The following PDE1C variants were observed in gnomAD, a reference collection of about 807,000 sequenced individuals.
PDE1C encodes dual specificity calcium/calmodulin-dependent 3',5'-cyclic nucleotide phosphodiesterase 1C.
Under a neutral mutation model 93.1 loss-of-function variants are expected in PDE1C, and 62 were observed. The ratio of observed to expected loss-of-function variants is 0.67; its 90% CI spans 0.54 to 0.82. PDE1C has a LOEUF of 0.82. Among genes scored for constraint, PDE1C ranks in the 40% least tolerant of loss-of-function variants. PDE1C has a pLI of 0.00. For synonymous variants in PDE1C, 325 were observed against 310.1 expected, an observed-to-expected ratio of 1.05 and a Z score of -0.50; for missense variants, 742 against 884.6, an observed-to-expected ratio of 0.84 and a Z score of 2.04.
rs75694737 is a variant in PDE1C at position 31,773,209 on chromosome 7, G to A, written c.1960+2455C>T. ...CACCTCTGACCATCTCTCAAGTCCT[G>A]TAGGGCAGAGGATTGTGGTTTACAG... On this transcript the variant is annotated intron_variant, in intron 17 of 17. Transcript: ENST00000396191. Among the ~76,000 whole-genome samples, 92 of 152,290 alleles carry A rather than the reference G, an allele frequency of 6.0e-4. No individual in the cohort carries two copies. In the East Asian group the frequency reaches 0.017, roughly 29 times the overall value.
chr7:32,108,167 A>G (rs548842486), intron 3 of PDE1C, among the ~76,000 whole-genome samples: 5 of 146,632 alleles, frequency 3.4e-5, no homozygotes, highest in African/African-American at 1.0e-4. Flanking sequence ...TCACCTTAAA[A>G]GTGAGTGACT....
chr7:32,031,227 C>T (rs971669689), intron 2 of PDE1C, among the ~76,000 whole-genome samples: 1 of 152,148 alleles, frequency 6.6e-6, no homozygotes, highest in Non-Finnish European at 1.5e-5. Context: ...ATCTCTAACA[C>T]ATGTTCATTT....
the PDE1C span, chr7:31,642,957 G>A: frequency 2.5e-6 from 4 of 1,614,042 alleles, no homozygotes; most frequent in East Asian, 2.2e-5. Context: ...AGACCACCAC[G>A]AGGGGAGAAT....
At chr7:31,642,172 G>T in the PDE1C span, 1 of 1,556,124 alleles carries the variant, frequency 6.4e-7, no homozygotes. Flanking sequence ...CTTTCATTCT[G>T]CAGGTGCCAG....
At chr7:32,134,137 A>T (rs1342891274) in intron 3 of PDE1C, among the ~76,000 whole-genome samples, 1 of 152,082 alleles carries the variant, frequency 6.6e-6, no homozygotes, top group East Asian at 1.9e-4. Context: ...AAAAAAACTT[A>T]AAGATCCTCA....
the PDE1C span, among the ~76,000 whole-genome samples, chr7:31,731,266 G>T: frequency 6.6e-6 from 1 of 152,082 alleles, no homozygotes; most frequent in African/African-American, 2.4e-5. Flanking sequence ...CCGTGTAGGT[G>T]CCAAAGTGGG....
intron 2 of PDE1C, among the ~76,000 whole-genome samples, chr7:31,960,996 C>T (rs1808857648): frequency 6.6e-6 from 1 of 152,044 alleles, no homozygotes; most frequent in African/African-American, 2.4e-5. Context: ...TCAATTTGGC[C>T]TAACAAATTG....
At chr7:32,246,781 C>T (rs775429277) in intron 1 of PDE1C, among the ~76,000 whole-genome samples, 5 of 152,164 alleles carry the variant, frequency 3.3e-5, no homozygotes, top group Non-Finnish European at 7.3e-5. Context: ...ATAATAGTAC[C>T]TACCTTGTAA....
chr7:31,658,320 A>G, the PDE1C span: 1 of 1,524,692 alleles, frequency 6.6e-7, no homozygotes, highest in Non-Finnish European at 8.8e-7. Context: ...CTTCAAAAGC[A>G]AATAACTCTG....
At chr7:31,975,577 T>TA (rs1563130559) in intron 2 of PDE1C, among the ~76,000 whole-genome samples, 22 of 150,900 alleles carry the variant, frequency 1.5e-4, no homozygotes, top group African/African-American at 5.3e-4. Context: ...ATATCTAATT[T>TA]TATATATATA....
At chr7:31,810,264 T>C (rs1787384443) in intron 15 of PDE1C, among the ~76,000 whole-genome samples, 1 of 152,132 alleles carries the variant, frequency 6.6e-6, no homozygotes, top group Non-Finnish European at 1.5e-5. Flanking sequence ...AGCTTTCTTT[T>C]TAGCCTGCAT....
chr7:32,424,797 C>T (rs1044714053), intron 1 of PDE1C, among the ~76,000 whole-genome samples: 8 of 152,060 alleles, frequency 5.3e-5, no homozygotes, highest in Non-Finnish European at 1.0e-4. Context: ...CACGGCACTC[C>T]AGCCTGGGTG....
At chr7:31,831,512 AC>A (rs1790404410) in intron 11 of PDE1C, among the ~76,000 whole-genome samples, 1 of 151,894 alleles carries the variant, frequency 6.6e-6, no homozygotes, top group Admixed American at 6.6e-5. Context: ...ACACACACAC[AC>A]ACACACGCAC....
rs1035113008 is a variant in PDE1C at position 32,393,979 on chromosome 7, T to G, written c.310+33843A>C. 8.5e-5 allele frequency among the ~76,000 whole-genome samples: 13 copies of G among 152,352 alleles called. 2 individuals are homozygous for G. The highest frequency in any genetic ancestry group is 1.9e-4 in the East Asian group (1 of 5,184). ...AACATTTGTGGGAAATGTATACCCT[T>G]CATGCTTTTTTAAGATTGATAAAAG... is the stretch of plus-strand genomic sequence containing the variant. On this transcript the variant is annotated intron_variant, in intron 1 of 1. Coordinates refer to the PDE1C transcript ENST00000672256.
intron 3 of PDE1C, among the ~76,000 whole-genome samples, chr7:32,168,885 T>A (rs1802470834): frequency 6.6e-6 from 1 of 152,168 alleles, no homozygotes; most frequent in Admixed American, 6.5e-5. Flanking sequence ...TTCAAATATA[T>A]TTCATGGAAC....
intron 2 of PDE1C, among the ~76,000 whole-genome samples, chr7:32,192,674 C>G (rs2108857): frequency 6.6e-6 from 1 of 152,138 alleles, no homozygotes; most frequent in Non-Finnish European, 1.5e-5. Flanking sequence ...CTACTTCCTA[C>G]GATTTTCTGT....
intron 2 of PDE1C, among the ~76,000 whole-genome samples, chr7:32,008,195 C>G (rs1786535842): frequency 6.6e-6 from 1 of 152,182 alleles, no homozygotes; most frequent in South Asian, 2.1e-4. Flanking sequence ...GCATTTGCAT[C>G]AAGCCCCATG....
At chr7:32,230,027 C>T (rs1294310334) in intron 1 of PDE1C, among the ~76,000 whole-genome samples, 3 of 152,172 alleles carry the variant, frequency 2.0e-5, no homozygotes, top group Non-Finnish European at 2.9e-5. Flanking sequence ...AGGGAAGGAG[C>T]GGGCAGCTCA....
upstream of PDE1C, among the ~76,000 whole-genome samples, chr7:32,075,667 C>G (rs1197397201): frequency 2.0e-5 from 3 of 152,154 alleles, no homozygotes; most frequent in Admixed American, 6.5e-5. Flanking sequence ...TGAAATGGGG[C>G]TCTGAATAGC....
Sources: allele counts gnomAD v4.1 joint callset (sites outside exome capture counted in the v4.1 genomes callset), GRCh38; gene constraint gnomAD v4.1.1; transcripts MANE v1.5; gene names NCBI Gene and HGNC (gene_info 2026-07-23, HGNC 2026-07-21).